MIB2: variants seen among roughly 807,000 people sequenced by gnomAD.
MIB2 encodes MIB E3 ubiquitin protein ligase 2.
MIB2 carries 78 observed loss-of-function variants against 96.6 expected under a neutral mutation model. The observed-to-expected ratio is 0.81, with a 90% CI of 0.67 to 0.97. The LOEUF is 0.97. MIB2 is among the 50% of genes least tolerant of loss of function. MIB2 has a pLI of 0.00. For missense variants in MIB2, 1,543 were observed against 1,424.0 expected (o/e 1.08, Z -1.35); for synonymous variants, 820 against 629.5 (o/e 1.30, Z -4.53).
rs1569884453 is a variant in MIB2 at position 1,629,119 on chromosome 1, G to C, written c.2203-14G>C. 9 of 1,474,080 alleles carry C rather than the reference G, an allele frequency of 6.1e-6. No homozygotes were observed. In the East Asian group the frequency reaches 2.0e-4, roughly 32 times the overall value. 91.3% of individuals were successfully genotyped at this position (1,474,080 alleles called of 1,614,324 possible). On this transcript the variant is annotated splice_polypyrimidine_tract_variant and intron_variant, in intron 16 of 19. Coordinates refer to ENST00000355826, the MANE Select transcript of MIB2 (RefSeq NM_001170687.4). Reference sequence around the variant, plus strand: ...CCGGCGCCCGCCCTCACCGGCGTCTGTCCTGCCGCCCAGCTACAGGCCTCG... The same window carrying C: ...CCGGCGCCCGCCCTCACCGGCGTCTCTCCTGCCGCCCAGCTACAGGCCTCG...
At chr1:1,628,751 G>A (rs1402833619) in intron 16 of MIB2, 29 bp downstream of exon 16, 1 of 1,473,156 alleles carries the variant, frequency 6.8e-7, no homozygotes, top group South Asian at 1.3e-5. Flanking sequence ...GGGTGCTGGA[G>A]AGGCTGCGGT....
chr1:1,623,417 C>A lies in MIB2; in HGVS notation c.-22-14C>A. On this transcript the variant is annotated splice_polypyrimidine_tract_variant and intron_variant, in intron 2 of 19. Transcript: ENST00000355826. The stretch of plus-strand genomic sequence containing the variant: ...CCGAGCAGCCCGGCCCACCATGGAC[C>A]CCTCTGCCCACAGGTCCCGAGCAGC... 1 of 1,602,836 alleles carries A rather than the reference C, an allele frequency of 6.2e-7. No individual in the cohort carries two copies. Among genetic ancestry groups the A allele is most frequent in the Non-Finnish European group, 8.5e-7 (1 of 1,176,286 alleles).
chr1:1,620,262 C>T (rs1054437681), intron 2 of MIB2, among the ~76,000 whole-genome samples: 3 of 152,196 alleles, frequency 2.0e-5, no homozygotes, highest in East Asian at 3.9e-4. Context: ...ACAGAAGGCG[C>T]CCCCTGCTGC....
At chr1:1,621,208 C>T (rs533559611) in intron 2 of MIB2, among the ~76,000 whole-genome samples, 25 of 152,372 alleles carry the variant, frequency 1.6e-4, no homozygotes, top group African/African-American at 5.5e-4. Context: ...AATAGTGCCA[C>T]AGGGGCCCAT....
upstream of MIB2, chr1:1,615,276 A>G (rs774503399): frequency 4.7e-5 from 59 of 1,251,842 alleles, no homozygotes; most frequent in Non-Finnish European, 6.1e-5. Flanking sequence ...AGCGAGCGCG[A>G]CGTCGCTCCC....
In MIB2 at chr1:1,630,280, C is replaced by T; in HGVS notation, c.2630-12C>T. On this transcript the variant is annotated splice_polypyrimidine_tract_variant and intron_variant, in intron 19 of 19. Transcript: ENST00000355826. ...CCGGCCTCCCAGCTCACACCCGTCC[C>T]CCACCCCGCAGACGGCTCTGAGGTG... 1 of 1,453,088 alleles carries T rather than the reference C, an allele frequency of 6.9e-7. No individual in the cohort carries two copies. Among genetic ancestry groups the T allele is most frequent in the Non-Finnish European group, 9.2e-7 (1 of 1,092,014 alleles). The allele number at this position is 1,453,088 out of a possible 1,614,324, so 90.0% of individuals were successfully genotyped here. A position where few individuals can be genotyped will look rare whatever the true frequency, so the allele number is the denominator to read the frequency against.
At chr1:1,623,083 C>A (rs1644406385) in intron 2 of MIB2, 1 of 456,096 alleles carries the variant, frequency 2.2e-6, no homozygotes, top group Non-Finnish European at 3.9e-6. Flanking sequence ...AGTCCAGTGT[C>A]CAGCTCATTA....
At position 1,620,510 on chromosome 1, in the gene MIB2, CAAG is replaced by C. The variant is rs563460043; in HGVS notation, c.-22-2920_-22-2918del. 1.5e-3 allele frequency among the ~76,000 whole-genome samples: 234 copies of C among 152,280 alleles called. 9 individuals carry two copies. The highest frequency in any genetic ancestry group is 0.013 in the Admixed American group (203 of 15,300). ...GTGGCCGATTCTGGTGGGATCCTGGCAAGGAGGAGGTTGCGTGTGGATCTGGTG... is the reference window on the plus strand; with the variant it reads ...GTGGCCGATTCTGGTGGGATCCTGGCGAGGAGGTTGCGTGTGGATCTGGTG... On this transcript the variant is annotated intron_variant, in intron 2 of 19. Transcript: ENST00000355826.
In MIB2 at chr1:1,630,224, C is replaced by A. The variant is rs1247389538; in HGVS notation, c.2630-68C>A. 4 of 415,750 alleles carry A rather than the reference C, an allele frequency of 9.6e-6. No homozygotes were observed. The East Asian group carries it at 1.7e-4, about 17-fold the overall frequency. The allele number at this position is 415,750 out of a possible 1,614,324, so 25.8% of individuals were successfully genotyped here. On this transcript the variant is annotated intron_variant, in intron 19 of 19. Transcript: ENST00000355826. ...ACACCCCGCCCCCAGCCTCGCCCCC[C>A]CGCAGCTCCCTGCTCCCCGCATTCC...
chr1:1,617,456 G>A (rs1401970513), intron 2 of MIB2: 1 of 152,242 alleles, frequency 6.6e-6, no homozygotes, highest in African/African-American at 2.4e-5. Flanking sequence ...AGTTTCTTGT[G>A]AAAAAGAGAA....
intron 2 of MIB2, 142 bp from the exon 3 acceptor site, chr1:1,623,289 G>C (rs1644424855): frequency 2.9e-6 from 4 of 1,391,292 alleles, no homozygotes; most frequent in Non-Finnish European, 3.8e-6. Context: ...CCTAGGGCTT[G>C]AACCAGCCTG....
chr1:1,621,820 C>G (rs145946043), intron 2 of MIB2, among the ~76,000 whole-genome samples: 172 of 152,344 alleles, frequency 1.1e-3, no homozygotes, highest in African/African-American at 3.9e-3. Context: ...GATCGGGAGC[C>G]CAGCCCTGCA....
At chr1:1,623,336 C>T (rs1644430475) in intron 2 of MIB2, 95 bp from the exon 3 acceptor site, 2 of 1,518,200 alleles carry the variant, frequency 1.3e-6, no homozygotes, top group Non-Finnish European at 8.8e-7. Flanking sequence ...CCCGCGGAGC[C>T]CACTCTGACC....
At chr1:1,623,227 G>A (rs759735666) in intron 2 of MIB2, 71 of 850,688 alleles carry the variant, frequency 8.3e-5, no homozygotes, top group African/African-American at 1.3e-4. Context: ...CTGGCACGGC[G>A]CCCGCCTTTC....
At chr1:1,616,479 T>G in intron 1 of MIB2, 29 bp from the exon 2 acceptor site, 1 of 1,487,146 alleles carries the variant, frequency 6.7e-7, no homozygotes, top group Non-Finnish European at 9.1e-7. Context: ...GTGCTAACTG[T>G]GCATCTTGGC....
At chr1:1,627,495 G>A (rs765176548) in intron 12 of MIB2, 51 bp downstream of exon 12, 1 of 1,544,638 alleles carries the variant, frequency 6.5e-7, no homozygotes, top group Non-Finnish European at 8.7e-7. Context: ...TGCGTCCTGG[G>A]GTGAGGCCTG....
chr1:1,629,199 G>A lies in MIB2; in HGVS notation c.2269G>A (p.Ala757Thr), dbSNP rs1438319199. ...GGGCGCGGCGGTCGCCTGCTTCCTG[G>A]CGCTGGAGGGCGCCGACGTGAGCTA... Reference protein sequence around the residue: ...TVGAAVACFLALEGADVSYTN... With the variant: ...TVGAAVACFLTLEGADVSYTN... Residue 757 changes from alanine to threonine, a missense_variant, in exon 17 of 20, where the codon GCG becomes ACG. Ala to Thr is a moderately conservative substitution (Grantham distance 58). Transcript: ENST00000355826. 11 of 1,520,748 alleles carry A rather than the reference G, an allele frequency of 7.2e-6. 1 individual carries two copies. The Admixed American group carries it at 1.2e-4, about 17-fold the overall frequency. The allele number at this position is 1,520,748 out of a possible 1,614,324, so 94.2% of individuals were successfully genotyped here.
intron 12 of MIB2, 57 bp from the exon 13 acceptor site, chr1:1,627,616 C>T: frequency 5.2e-6 from 8 of 1,544,198 alleles, no homozygotes; most frequent in South Asian, 2.4e-5. Context: ...GGGGCTGAGC[C>T]TGTGCGTCCA....
At chr1:1,620,016 C>T (rs12725787) in intron 2 of MIB2, among the ~76,000 whole-genome samples, 6,240 of 152,346 alleles carry the variant, frequency 0.041, 138 homozygotes, top group South Asian at 0.1. Context: ...ACGCGGGGGC[C>T]GCCAAGGCTT....
Sources: allele counts gnomAD v4.1 joint callset (sites outside exome capture counted in the v4.1 genomes callset), GRCh38; gene constraint gnomAD v4.1.1; transcripts MANE v1.5; gene names NCBI Gene and HGNC (gene_info 2026-07-23, HGNC 2026-07-21).